The following CEMIP variants were observed in gnomAD, a reference collection of about 807,000 sequenced individuals.
CEMIP encodes cell migration inducing hyaluronidase 1, also known as cell migration-inducing and hyaluronan-binding protein.
CEMIP carries 105 observed loss-of-function variants against 156.9 expected under a neutral mutation model. The ratio of observed to expected loss-of-function variants is 0.67; its 90% CI spans 0.57 to 0.79. CEMIP has a LOEUF of 0.79. Ranked by LOEUF, CEMIP falls within the 30% of genes least tolerant of loss-of-function variation. CEMIP has a pLI of 0.00. For synonymous variants in CEMIP, 676 were observed against 668.4 expected (o/e 1.01, Z -0.17); for missense variants, 1,457 against 1,769.4 (o/e 0.82, Z 3.17).
chr15:80,880,439 T>C (rs56790926), intron 5 of CEMIP, among the ~76,000 whole-genome samples: 4,791 of 152,268 alleles, frequency 0.031, 257 homozygotes, highest in African/African-American at 0.11. Context: ...TTTGTTGTTA[T>C]TGTTGTTGTT....
rs747984990 is a variant in CEMIP, at chr15:80,906,187, G to A, written c.1412-476G>A. 1.9e-4 allele frequency among the ~76,000 whole-genome samples: 29 copies of A among 152,304 alleles called. 1 individual carries two copies. Among genetic ancestry groups the A allele is most frequent in the Admixed American group, 1.5e-3 (23 of 15,302 alleles). On this transcript the variant is annotated intron_variant, in intron 12 of 29. Transcript: ENST00000394685. This position sits in a 1 kb window ranked among gnomAD's most constrained non-coding sequence, Gnocchi z 4.3. ...CCAGAGACCAGGTTTCTTCTCTCCC[G>A]TTGCTCTGCCATCTCTGGGGCATGG...
intron 14 of CEMIP, among the ~76,000 whole-genome samples, chr15:80,918,378 A>G (rs575290172): frequency 2.6e-5 from 4 of 152,184 alleles, no homozygotes; most frequent in East Asian, 3.9e-4. Flanking sequence ...CTCCTACCCA[A>G]TGGAATTTTT....
chr15:80,877,823 C>G (rs1227097620), intron 3 of CEMIP, among the ~76,000 whole-genome samples: 1 of 152,246 alleles, frequency 6.6e-6, no homozygotes, highest in Non-Finnish European at 1.5e-5. Context: ...ACATGTCACA[C>G]TGGTCCTCAG....
At chr15:80,925,383 A>C (rs1040222159) in intron 18 of CEMIP, among the ~76,000 whole-genome samples, 3 of 152,208 alleles carry the variant, frequency 2.0e-5, no homozygotes, top group Non-Finnish European at 4.4e-5. Flanking sequence ...TTTTGGCCCC[A>C]CTTGGGGCAG....
intron 1 of CEMIP, among the ~76,000 whole-genome samples, chr15:80,797,761 G>A (rs1000101264): frequency 1.3e-5 from 2 of 152,186 alleles, no homozygotes; most frequent in East Asian, 1.9e-4. Flanking sequence ...ACACACCCAC[G>A]GTGGACCTGG....
intron 3 of CEMIP, among the ~76,000 whole-genome samples, 154 bp downstream of exon 3, chr15:80,874,127 C>A (rs1388203980): frequency 6.6e-6 from 1 of 152,250 alleles, no homozygotes; most frequent in African/African-American, 2.4e-5. Context: ...ACTCCTTGGT[C>A]CCCGGCACGT....
At chr15:80,942,866 C>G in intron 27 of CEMIP, 79 bp from the exon 28 acceptor site, 5 of 1,553,658 alleles carry the variant, frequency 3.2e-6, no homozygotes, top group Middle Eastern at 1.8e-4. Flanking sequence ...CCTTCAGGGT[C>G]TGCTTGGGAA....
chr15:80,854,832 A>C (rs1897808036), intron 1 of CEMIP, among the ~76,000 whole-genome samples: 1 of 152,166 alleles, frequency 6.6e-6, no homozygotes, highest in Admixed American at 6.5e-5. Context: ...AATATAATGA[A>C]GCCATACCTA....
chr15:80,878,924 G>A, intron 4 of CEMIP, 57 bp downstream of exon 4: 1 of 1,608,136 alleles, frequency 6.2e-7, no homozygotes, highest in Non-Finnish European at 8.5e-7. Context: ...GAGCTTAGCA[G>A]ATAGGATGCA....
chr15:80,810,815 TC>T (rs1896653724), intron 1 of CEMIP, among the ~76,000 whole-genome samples: 1 of 151,324 alleles, frequency 6.6e-6, no homozygotes, highest in African/African-American at 2.4e-5. Flanking sequence ...CATCCATCCA[TC>T]CATCCATCCA....
chr15:80,942,970 C>G lies in CEMIP; in HGVS notation c.3725C>G (p.Ser1242Trp), dbSNP rs143051587. 1 of 1,614,064 alleles carries G rather than the reference C, an allele frequency of 6.2e-7. No individual in the cohort carries two copies. The part of the protein sequence containing the change: ...IEVDGKKYPS[S>W]EDGIQVVVID... Reference sequence around the variant, plus strand: ...GTGGATGGGAAGAAGTACCCCAGTTCGGAGGATGGCATCCAGGTGGTGGTG... The same window carrying G: ...GTGGATGGGAAGAAGTACCCCAGTTGGGAGGATGGCATCCAGGTGGTGGTG... Residue 1242 changes from serine (S) to tryptophan (W), a missense_variant, in exon 28 of 30, where the codon TCG (serine) becomes TGG (tryptophan). Ser to Trp is a radical substitution (Grantham distance 177, BLOSUM62 -3). Around this residue, in one of 5 missense-constraint regions of CEMIP, gnomAD observed 798 missense variants for 980.1 expected, o/e 0.81. Coordinates refer to ENST00000394685, the MANE Select transcript of CEMIP (RefSeq NM_001293298.2).
At chr15:80,926,213 T>G (rs1421626836) in intron 19 of CEMIP, among the ~76,000 whole-genome samples, 1 of 152,176 alleles carries the variant, frequency 6.6e-6, no homozygotes, top group Non-Finnish European at 1.5e-5. Context: ...GGTCACGCAG[T>G]TAGCTAGAGT....
In CEMIP at chr15:80,878,732, T is replaced by A; in HGVS notation, c.106T>A (p.Cys36Ser). The A allele has an allele frequency of 6.2e-7, 1 of 1,613,986 alleles. No homozygotes were observed. The highest frequency in any genetic ancestry group is 8.5e-7 in the Non-Finnish European group (1 of 1,180,016). Residue 36 changes from cysteine (C) to serine (S), a missense_variant, in exon 4 of 30, where the codon TGC (cysteine) becomes AGC (serine). Coordinates refer to ENST00000394685, the MANE Select transcript of CEMIP (RefSeq NM_001293298.2). ...PGATSTVAAG[C>S]PDQSPELQPW... ...TCTGTCCTTGGCAGTGGCTGCTGGG[T>A]GCCCTGACCAGAGCCCTGAGTTGCA...
chr15:80,880,415 G>A (rs1239572919), intron 5 of CEMIP, among the ~76,000 whole-genome samples: 3 of 152,176 alleles, frequency 2.0e-5, no homozygotes, highest in Non-Finnish European at 4.4e-5. Context: ...TAGGAAGATT[G>A]GGTTGCTAAT....
chr15:80,813,490 C>G (rs1464308535), intron 1 of CEMIP, among the ~76,000 whole-genome samples: 1 of 151,914 alleles, frequency 6.6e-6, no homozygotes, highest in Non-Finnish European at 1.5e-5. Flanking sequence ...GCTGGGATTA[C>G]AGGTGCTGCC....
intron 3 of CEMIP, 150 bp from the exon 4 acceptor site, chr15:80,878,571 G>A: frequency 1.1e-6 from 1 of 924,166 alleles, no homozygotes; most frequent in Non-Finnish European, 1.7e-6. Flanking sequence ...TATGTCAGGA[G>A]GTCTCTCAGC....
In CEMIP at chr15:80,878,826, C is replaced by G; in HGVS notation, c.200C>G (p.Thr67Ser). ...GGCCAGGGCAAGACACTGCTGCTCA[C>G]CTCTTCTGCCACGGTCTATTCCATC... is the stretch of plus-strand genomic sequence containing the variant. ...HIGQGKTLLL[T>S]SSATVYSIHI... Residue 67 changes from threonine (T) to serine (S), a missense_variant, in exon 4 of 30, where the codon ACC becomes AGC. Coordinates refer to ENST00000394685, the MANE Select transcript of CEMIP (RefSeq NM_001293298.2). 6.2e-7 allele frequency: 1 copy of G among 1,614,202 alleles called. No individual in the cohort carries two copies.
chr15:80,840,248 C>T (rs1330318568), intron 1 of CEMIP, among the ~76,000 whole-genome samples: 1 of 152,146 alleles, frequency 6.6e-6, no homozygotes, highest in Non-Finnish European at 1.5e-5. Flanking sequence ...GGGAATTCCA[C>T]ACAGAGTAGG....
At chr15:80,838,650 C>A (rs891423769) in intron 1 of CEMIP, among the ~76,000 whole-genome samples, 8 of 152,214 alleles carry the variant, frequency 5.3e-5, no homozygotes, top group African/African-American at 1.9e-4. Context: ...ATGATAAAAC[C>A]CCCCGTGTGA....
Sources: allele counts gnomAD v4.1 joint callset (sites outside exome capture counted in the v4.1 genomes callset), GRCh38; gene constraint gnomAD v4.1.1; regional missense constraint gnomAD v4.1.1; non-coding constraint Gnocchi (gnomAD v3.1); transcripts MANE v1.5; gene names NCBI Gene and HGNC (gene_info 2026-07-23, HGNC 2026-07-21).